The following GRM7 variants were observed in gnomAD, a reference collection of about 807,000 sequenced individuals.
GRM7 encodes the protein glutamate metabotropic receptor 7.
Under a neutral mutation model 84.5 loss-of-function variants are expected in GRM7, and 35 were observed. The ratio of observed to expected loss-of-function variants is 0.41; its 90% CI spans 0.32 to 0.55. The LOEUF is 0.55. GRM7 is among the 20% of genes least tolerant of loss of function. The pLI is 0.19. For missense variants in GRM7, 1,003 were observed against 1,194.6 expected (o/e 0.84, Z 2.36); for synonymous variants, 487 against 455.1 (o/e 1.07, Z -0.89).
chr3:7,693,792 G>C, intron 9 of GRM7: 2 of 677,904 alleles, frequency 3.0e-6, no homozygotes, highest in South Asian at 3.7e-5. Context: ...GTTTGCATGA[G>C]TTTAGTCGGG....
intron 1 of GRM7, among the ~76,000 whole-genome samples, chr3:7,136,756 G>T (rs1693785648): frequency 6.6e-6 from 1 of 152,072 alleles, no homozygotes; most frequent in African/African-American, 2.4e-5. Flanking sequence ...AATGAATACT[G>T]ATCCGTTCCT....
chr3:6,992,883 G>A (rs1694696013), intron 1 of GRM7, among the ~76,000 whole-genome samples: 1 of 152,218 alleles, frequency 6.6e-6, no homozygotes, highest in Admixed American at 6.5e-5. Context: ...CAGTCAATGA[G>A]ACAATGCAGC....
At chr3:6,963,841 A>G (rs917599844) in intron 1 of GRM7, among the ~76,000 whole-genome samples, 7 of 152,178 alleles carry the variant, frequency 4.6e-5, no homozygotes, top group African/African-American at 1.7e-4. Flanking sequence ...AGTGAGAAAT[A>G]TATGCTTATT....
chr3:7,306,933 A>G (rs1700214860), intron 4 of GRM7, among the ~76,000 whole-genome samples: 1 of 152,204 alleles, frequency 6.6e-6, no homozygotes, highest in African/African-American at 2.4e-5. Flanking sequence ...GGAGAGCATT[A>G]TCATTAATAA....
At chr3:7,448,266 G>A (rs1297941122) in intron 5 of GRM7, among the ~76,000 whole-genome samples, 4 of 151,776 alleles carry the variant, frequency 2.6e-5, no homozygotes, top group Non-Finnish European at 5.9e-5. Context: ...TATATACCCA[G>A]TAATGGGATG....
intron 7 of GRM7, among the ~76,000 whole-genome samples, chr3:7,565,224 A>G (rs1186126947): frequency 6.6e-6 from 1 of 152,172 alleles, no homozygotes; most frequent in Non-Finnish European, 1.5e-5. Flanking sequence ...TCTAAAGGAG[A>G]GGTCAGTCTG....
intron 1 of GRM7, among the ~76,000 whole-genome samples, chr3:6,994,236 G>A (rs758955794): frequency 7.2e-5 from 11 of 152,160 alleles, no homozygotes; most frequent in Non-Finnish European, 1.6e-4. Context: ...GTGCAATTAT[G>A]TAAATTACTA....
At chr3:6,937,873 T>C (rs1484552593) in intron 1 of GRM7, among the ~76,000 whole-genome samples, 1 of 152,244 alleles carries the variant, frequency 6.6e-6, no homozygotes, top group Non-Finnish European at 1.5e-5. Context: ...CTGCCACTTA[T>C]TGAGCACTTA....
At chr3:7,656,930 C>G (rs1699228995) in intron 8 of GRM7, among the ~76,000 whole-genome samples, 1 of 152,182 alleles carries the variant, frequency 6.6e-6, no homozygotes, top group South Asian at 2.1e-4. Context: ...ACGATTGCCA[C>G]TTGAACACTT....
At chr3:7,298,311 T>G (rs899526704) in intron 2 of GRM7, among the ~76,000 whole-genome samples, 1 of 152,174 alleles carries the variant, frequency 6.6e-6, no homozygotes, top group African/African-American at 2.4e-5. Context: ...TTCAAGTTTC[T>G]TTATTGTGGT....
chr3:7,492,412 T>A (rs1388553650), intron 7 of GRM7, among the ~76,000 whole-genome samples: 2 of 152,182 alleles, frequency 1.3e-5, no homozygotes, highest in Non-Finnish European at 2.9e-5. Context: ...GTTTGTCTAC[T>A]TAATCTTGAT....
intron 9 of GRM7, among the ~76,000 whole-genome samples, chr3:7,732,006 A>C (rs1702348506): frequency 6.6e-6 from 1 of 152,132 alleles, no homozygotes; most frequent in Non-Finnish European, 1.5e-5. Context: ...ATATGAGTGC[A>C]AACTCCATCT....
At chr3:7,021,565 A>T (rs1333079017) in intron 1 of GRM7, among the ~76,000 whole-genome samples, 3 of 152,212 alleles carry the variant, frequency 2.0e-5, no homozygotes, top group Admixed American at 2.0e-4. Context: ...TTGGGAAAAG[A>T]ACATTTCTGA....
In GRM7 at chr3:7,065,464, T is replaced by C. The variant is rs530272365; in HGVS notation, c.520-80988T>C. Among the ~76,000 whole-genome samples the C allele has an allele frequency of 5.9e-5, 9 of 152,050 alleles. 1 individual carries two copies. The East Asian group carries it at 1.2e-3, about 20-fold the overall frequency. ...AAAAGGGTATCCTTTCCCCACTTTA[T>C]GTTTTTGTTTGCTTTGTCAAAGATC... is the stretch of plus-strand genomic sequence containing the variant. On this transcript the variant is annotated intron_variant, in intron 1 of 9. Coordinates refer to ENST00000357716, the MANE Select transcript of GRM7 (RefSeq NM_000844.4).
chr3:7,034,069 A>C (rs1245076820), intron 1 of GRM7, among the ~76,000 whole-genome samples: 1 of 152,136 alleles, frequency 6.6e-6, no homozygotes, highest in Non-Finnish European at 1.5e-5. Context: ...ATACCTTTCA[A>C]AGCTGAAGAG....
chr3:6,999,025 C>T (rs566877389), intron 1 of GRM7, among the ~76,000 whole-genome samples: 2 of 152,304 alleles, frequency 1.3e-5, no homozygotes, highest in South Asian at 2.1e-4. Context: ...TTGAAATTCT[C>T]CCCAGAAAAT....
chr3:7,732,002 G>A (rs1702348436), intron 9 of GRM7, among the ~76,000 whole-genome samples: 1 of 152,058 alleles, frequency 6.6e-6, no homozygotes, highest in Non-Finnish European at 1.5e-5. Context: ...GATAATATGA[G>A]TGCAAACTCC....
At chr3:7,191,952 G>A (rs893608248) in intron 2 of GRM7, among the ~76,000 whole-genome samples, 6 of 151,948 alleles carry the variant, frequency 3.9e-5, no homozygotes, top group Non-Finnish European at 7.4e-5. Flanking sequence ...AGGTACATCC[G>A]AATTTTACAT....
At chr3:7,710,281 C>T (rs1701535442) in intron 9 of GRM7, among the ~76,000 whole-genome samples, 1 of 152,124 alleles carries the variant, frequency 6.6e-6, no homozygotes, top group Non-Finnish European at 1.5e-5. Flanking sequence ...TGCAAAAGAT[C>T]TGAAGCTATT....
Sources: gnomAD v4.1 joint callset for allele counts (sites outside exome capture counted in the v4.1 genomes callset) on GRCh38, gnomAD v4.1.1 for gene constraint, MANE v1.5 for transcripts, NCBI Gene and HGNC (gene_info 2026-07-23, HGNC 2026-07-21) for gene names.